The following COL4A4 variants were observed in gnomAD, a reference collection of about 807,000 sequenced individuals.
The protein encoded by COL4A4 is collagen type IV alpha 4 chain.
Under a neutral mutation model 192.9 loss-of-function variants are expected in COL4A4, and 105 were observed. The observed-to-expected ratio is 0.54, with a 90% CI of 0.46 to 0.64. The LOEUF (loss-of-function observed/expected upper bound fraction) is 0.64. COL4A4 is among the 30% of genes least tolerant of loss of function. The pLI, the probability that COL4A4 is intolerant of heterozygous loss-of-function variation, is 0.00. For synonymous variants in COL4A4, 762 were observed against 769.9 expected (o/e 0.99, Z 0.17); for missense variants, 1,967 against 2,169.3 (o/e 0.91, Z 1.85).
intron 37 of COL4A4, among the ~76,000 whole-genome samples, chr2:227,041,916 A>AAGAAAGAAAGAAAG (rs1553633586): frequency 1.3e-5 from 2 of 150,738 alleles, no homozygotes; most frequent in Non-Finnish European, 3.0e-5. Context: ...GAAAGAAAGA[A>AAGAAAGAAAGAAAG]AGAAAGAAAA....
At chr2:227,151,688 G>T (rs989370631) in intron 1 of COL4A4, among the ~76,000 whole-genome samples, 3 of 152,208 alleles carry the variant, frequency 2.0e-5, no homozygotes, top group African/African-American at 7.2e-5. Flanking sequence ...TTGGTATTAA[G>T]AGGTGAGGCA....
chr2:227,100,394 A>G (rs1007899532), intron 17 of COL4A4, among the ~76,000 whole-genome samples: 5 of 152,312 alleles, frequency 3.3e-5, no homozygotes, highest in South Asian at 2.1e-4. Context: ...AACACACAGC[A>G]TGCATTAAAG....
rs1201925443 is a variant in COL4A4 at position 227,147,413 on chromosome 2, C to T, written c.71G>A (p.Trp24Ter). 1.2e-6 allele frequency: 2 copies of T among 1,613,416 alleles called. No individual in the cohort carries two copies. The highest frequency in any genetic ancestry group is 2.2e-5 in the South Asian group (2 of 91,064). ...AGGCAATCACACTGAGGATACTCAC[C>T]AGGGACCTGTGGCCAAGGACTTGGT... is the stretch of plus-strand genomic sequence containing the variant. ...RLTKSLATGP[W>*]SLILILFSVQ... The change falls in exon 2 of 48, where the codon TGG becomes TAG. Residue 24 changes from tryptophan to a stop codon, truncating the protein, a stop_gained and splice_region_variant. Coordinates refer to ENST00000396625, the MANE Select transcript of COL4A4 (RefSeq NM_000092.5). LOFTEE classifies it high-confidence loss of function.
intron 19 of COL4A4, among the ~76,000 whole-genome samples, chr2:227,097,547 G>T (rs1373882756): frequency 6.6e-6 from 1 of 152,142 alleles, no homozygotes; most frequent in African/African-American, 2.4e-5. Context: ...ATCCACTAGA[G>T]ACACTTGTTA....
At chr2:227,056,287 G>A (rs1018179822) in intron 29 of COL4A4, among the ~76,000 whole-genome samples, 172 bp from the exon 30 acceptor site, 1 of 152,180 alleles carries the variant, frequency 6.6e-6, no homozygotes, top group Non-Finnish European at 1.5e-5. Context: ...TTTTCTAGAT[G>A]CCATAAATAG....
intron 19 of COL4A4, among the ~76,000 whole-genome samples, chr2:227,095,125 AG>A (rs778172588): frequency 3.8e-4 from 58 of 152,342 alleles, no homozygotes; most frequent in Non-Finnish European, 6.9e-4. Flanking sequence ...CCCATTCTTT[AG>A]GATTATTGGG....
At chr2:227,155,665 G>A (rs2064280336) in intron 1 of COL4A4, among the ~76,000 whole-genome samples, 1 of 152,146 alleles carries the variant, frequency 6.6e-6, no homozygotes. Context: ...CCACTAGGCA[G>A]GGTCCACTCC....
rs1456612456 is a variant in COL4A4, at chr2:227,057,509, G to T, written c.2475C>A (p.Gly825=). Residue 825 remains glycine (G), a synonymous_variant, in exon 29 of 48, where the codon GGC becomes GGA. Transcript: ENST00000396625. ...AGFPGVPGPP[G]HSCERGAPGI... The stretch of plus-strand genomic sequence containing the variant: ...CTGGAGCACCTCTTTCACAGGAATG[G>T]CCAGGTGGACCTGGGACACCTGGAA... 2 of 1,613,406 alleles carry T rather than the reference G, an allele frequency of 1.2e-6. No homozygotes were observed. The highest frequency in any genetic ancestry group is 2.7e-5 in the African/African-American group (2 of 74,912).
At chr2:227,120,967 GT>G in intron 5 of COL4A4, 46 bp downstream of exon 5, 1 of 1,612,934 alleles carries the variant, frequency 6.2e-7, no homozygotes, top group Non-Finnish European at 8.5e-7. Flanking sequence ...TGGTGCAGTA[GT>G]GCTGGTGAGT....
chr2:227,140,044 T>A (rs1559723398), intron 4 of COL4A4, 117 bp downstream of exon 4: 1 of 835,342 alleles, frequency 1.2e-6, no homozygotes, highest in Non-Finnish European at 2.0e-6. Context: ...GGCTGTGAAA[T>A]ACATAAACAT....
chr2:227,000,827 G>T (rs1036408901), downstream of COL4A4, among the ~76,000 whole-genome samples: 1 of 152,052 alleles, frequency 6.6e-6, no homozygotes, highest in African/African-American at 2.4e-5. Context: ...TCTTTCCCAT[G>T]CTGTTCTTGT....
chr2:227,114,579 C>T lies in COL4A4; in HGVS notation c.558+49G>A, dbSNP rs769806077. The T allele has an allele frequency of 3.5e-6, 5 of 1,429,902 alleles. No individual in the cohort carries two copies. The Admixed American group carries it at 5.0e-5, about 14-fold the overall frequency. The allele number at this position is 1,429,902 out of a possible 1,614,324, so 88.6% of individuals were successfully genotyped here. ...TCTGAGTATTTCCTGCATGGGCTTA[C>T]CTATTTGGAAGAAAAAATTTTTTAA... On this transcript the variant is annotated intron_variant, in intron 8 of 47. Transcript: ENST00000396625.
rs764241912 is a variant in COL4A4, at chr2:227,111,729, T to C, written c.559-16A>G. 3 of 1,613,354 alleles carry C rather than the reference T, an allele frequency of 1.9e-6. No individual in the cohort carries two copies. In the Admixed American group the frequency reaches 5.0e-5, roughly 27 times the overall value. Reference sequence around the variant, plus strand: ...CTCTGTCTCCCTGCAAAAATAAGAATGCATTGCTTTAAGTCCACACAATGT... The same window carrying C: ...CTCTGTCTCCCTGCAAAAATAAGAACGCATTGCTTTAAGTCCACACAATGT... On this transcript the variant is annotated splice_polypyrimidine_tract_variant and intron_variant, in intron 8 of 47. Transcript: ENST00000396625.
intron 36 of COL4A4, 99 bp from the exon 37 acceptor site, chr2:227,042,354 C>T (rs975230420): frequency 4.1e-6 from 3 of 727,272 alleles, no homozygotes; most frequent in African/African-American, 3.5e-5. Flanking sequence ...TAACGGAGAA[C>T]ACTGTCTAAT....
At chr2:227,078,781 C>T (rs1350559847) in intron 24 of COL4A4, among the ~76,000 whole-genome samples, 1 of 152,180 alleles carries the variant, frequency 6.6e-6, no homozygotes, top group Non-Finnish European at 1.5e-5. Context: ...CCATCATCCT[C>T]CACCCCTGTG....
the COL4A4 span, among the ~76,000 whole-genome samples, chr2:226,980,432 G>A: frequency 2.0e-5 from 3 of 152,280 alleles, no homozygotes; most frequent in Non-Finnish European, 2.9e-5. Context: ...GAGATTTGGG[G>A]TGTGGTTCTG....
At chr2:227,142,850 A>T (rs2063313199) in intron 3 of COL4A4, among the ~76,000 whole-genome samples, 1 of 152,184 alleles carries the variant, frequency 6.6e-6, no homozygotes, top group Non-Finnish European at 1.5e-5. Flanking sequence ...ATATAGACAC[A>T]TAATTTTAAA....
At position 227,060,169 on chromosome 2, in the gene COL4A4, T is replaced by A; in HGVS notation, c.2131A>T (p.Thr711Ser). 1 of 1,603,570 alleles carries A rather than the reference T, an allele frequency of 6.2e-7. No homozygotes were observed. Residue 711 changes from threonine (T) to serine (S), a missense_variant, in exon 27 of 48, where the codon ACA becomes TCA. Transcript: ENST00000396625. ...CCTGGTATTTCCGCTGTTCCTGGTG[T>A]GCCAGGTCTGCCTTTATGCCCATCT... Reference protein sequence around the residue: ...GSDGHKGRPGTPGTAEIPGPP... With the variant: ...GSDGHKGRPGSPGTAEIPGPP...
chr2:227,099,364 G>C (rs1202820924), intron 18 of COL4A4, among the ~76,000 whole-genome samples: 1 of 152,166 alleles, frequency 6.6e-6, no homozygotes, highest in Non-Finnish European at 1.5e-5. Context: ...ACTGAACCCA[G>C]CCAGTAAAAT....
Sources: gnomAD v4.1 joint callset for allele counts (sites outside exome capture counted in the v4.1 genomes callset) on GRCh38, gnomAD v4.1.1 for gene constraint, MANE v1.5 for transcripts, NCBI Gene and HGNC (gene_info 2026-07-23, HGNC 2026-07-21) for gene names.